Variants in FOXP1 observed in about 807,000 individuals in gnomAD.
FOXP1 encodes forkhead box protein P1.
A neutral mutation model predicts 98.2 loss-of-function variants in FOXP1; 15 were observed. That is an observed-to-expected ratio of 0.15 (90% CI 0.10 to 0.24). The LOEUF (loss-of-function observed/expected upper bound fraction) is 0.24, where lower values mean the gene tolerates loss of function less well. Ranked by LOEUF, FOXP1 falls within the 10% of genes least tolerant of loss-of-function variation. The pLI is 1.00. For synonymous variants in FOXP1, 371 were observed against 314.5 expected (o/e 1.18, Z -1.90); for missense variants, 633 against 848.5 (o/e 0.75, Z 3.15).
chr3:70,960,751 G>T (rs1349072117), intron 20 of FOXP1, among the ~76,000 whole-genome samples: 3 of 152,042 alleles, frequency 2.0e-5, no homozygotes, highest in African/African-American at 7.2e-5. Flanking sequence ...GACTGCCCTT[G>T]AAGACAGGAA....
At chr3:71,102,061 A>T (rs150140902) in intron 7 of FOXP1, among the ~76,000 whole-genome samples, 19 of 152,280 alleles carry the variant, frequency 1.2e-4, no homozygotes, top group African/African-American at 4.6e-4. Flanking sequence ...CAGTCCCTGT[A>T]ATTTACCGGG....
intron 3 of FOXP1, among the ~76,000 whole-genome samples, chr3:71,383,709 G>C (rs184100619): frequency 1.3e-5 from 2 of 152,142 alleles, no homozygotes; most frequent in African/African-American, 4.8e-5. Context: ...TTGACACATC[G>C]CTTGAAACAT....
At chr3:71,451,387 T>G (rs2086940838) in intron 3 of FOXP1, among the ~76,000 whole-genome samples, 1 of 152,184 alleles carries the variant, frequency 6.6e-6, no homozygotes. Context: ...GTTAAGCAAG[T>G]GGCTAGAGCA....
intron 13 of FOXP1, among the ~76,000 whole-genome samples, chr3:70,998,054 G>T (rs1246640776): frequency 6.6e-6 from 1 of 152,226 alleles, no homozygotes; most frequent in Admixed American, 6.5e-5. Context: ...AGAGATAAAA[G>T]CGGGTGAGCA....
chr3:71,327,511 C>T (rs1391197091), intron 4 of FOXP1, among the ~76,000 whole-genome samples: 1 of 149,152 alleles, frequency 6.7e-6, no homozygotes, highest in Non-Finnish European at 1.5e-5. Flanking sequence ...CCTTAGCCTC[C>T]CGAGTAGCTG....
At position 70,978,339 on chromosome 3, in the gene FOXP1, CTCACCTATAGGCTTTGATCGCCCA is replaced by C. The variant is rs372697257; in HGVS notation, c.1147-334_1147-311del. On this transcript the variant is annotated intron_variant, in intron 14 of 20. Coordinates refer to ENST00000649528, the MANE Select transcript of FOXP1 (RefSeq NM_001349338.3). ...CAAGACATTTATTTCATTGTGATGTCTCACCTATAGGCTTTGATCGCCCATCAGGCCTTGTCAACCTCAAAGAGG... is the reference window on the plus strand; with the variant it reads ...CAAGACATTTATTTCATTGTGATGTCTCAGGCCTTGTCAACCTCAAAGAGG... Among the ~76,000 whole-genome samples the C allele has an allele frequency of 6.0e-3, 906 of 152,126 alleles. 7 individuals carry two copies. Among genetic ancestry groups the C allele is most frequent in the African/African-American group, 0.02 (832 of 41,394 alleles).
At chr3:71,078,837 A>C (rs2054102496) in intron 7 of FOXP1, among the ~76,000 whole-genome samples, 1 of 152,142 alleles carries the variant, frequency 6.6e-6, no homozygotes, top group Non-Finnish European at 1.5e-5. Context: ...ACTAGTCATA[A>C]ATAGTGGCAA....
chr3:71,077,177 T>C (rs1012241947), intron 7 of FOXP1, among the ~76,000 whole-genome samples: 1 of 152,182 alleles, frequency 6.6e-6, no homozygotes, highest in Non-Finnish European at 1.5e-5. Context: ...TAATCCTTCT[T>C]AGATGTCTAG....
At chr3:71,286,554 G>A (rs969749264) in intron 5 of FOXP1, among the ~76,000 whole-genome samples, 15 of 152,232 alleles carry the variant, frequency 9.9e-5, no homozygotes, top group African/African-American at 3.6e-4. Flanking sequence ...CATGTGCTGG[G>A]ACAAGAGAAT....
chr3:71,185,681 C>A (rs2062604012), intron 6 of FOXP1, among the ~76,000 whole-genome samples: 1 of 152,200 alleles, frequency 6.6e-6, no homozygotes, highest in African/African-American at 2.4e-5. Context: ...TGCCTCTAGT[C>A]TTTCCAAGTG....
intron 3 of FOXP1, among the ~76,000 whole-genome samples, chr3:71,420,519 C>A (rs1199223673): frequency 4.6e-5 from 7 of 152,102 alleles, no homozygotes; most frequent in Non-Finnish European, 1.0e-4. Flanking sequence ...GAAAAAAATT[C>A]TATGCATACA....
chr3:71,465,964 T>G (rs994961199), intron 3 of FOXP1, among the ~76,000 whole-genome samples: 4 of 152,208 alleles, frequency 2.6e-5, no homozygotes, highest in Non-Finnish European at 5.9e-5. Flanking sequence ...TGGAACAGTT[T>G]CATCTGGAAA....
intron 5 of FOXP1, among the ~76,000 whole-genome samples, chr3:71,230,618 A>C (rs1238691116): frequency 6.6e-6 from 1 of 152,206 alleles, no homozygotes; most frequent in Non-Finnish European, 1.5e-5. Context: ...CCAACATCTA[A>C]AGTCTGCTAA....
intron 3 of FOXP1, among the ~76,000 whole-genome samples, chr3:71,434,863 GAGACTC>G (rs1277138174): frequency 6.6e-6 from 1 of 151,996 alleles, no homozygotes; most frequent in Non-Finnish European, 1.5e-5. Flanking sequence ...CACAAATAGA[GAGACTC>G]AGAGATTTTT....
At chr3:71,114,382 C>G (rs562387533) in intron 6 of FOXP1, among the ~76,000 whole-genome samples, 1 of 152,138 alleles carries the variant, frequency 6.6e-6, no homozygotes, top group South Asian at 2.1e-4. Flanking sequence ...CACGTAAAAA[C>G]GTGGAGTGTG....
intron 4 of FOXP1, among the ~76,000 whole-genome samples, chr3:71,313,233 G>A (rs895652989): frequency 3.3e-5 from 5 of 151,286 alleles, no homozygotes; most frequent in African/African-American, 1.2e-4. Flanking sequence ...CTAATTTTTG[G>A]TATTTTTAGT....
chr3:70,977,033 C>T lies in FOXP1; in HGVS notation c.1438G>A (p.Glu480Lys). 6.2e-7 allele frequency: 1 copy of T among 1,610,778 alleles called. No individual in the cohort carries two copies. Among genetic ancestry groups the T allele is most frequent in the Non-Finnish European group, 8.5e-7 (1 of 1,177,034 alleles). The change falls in exon 17 of 21, where the codon GAA becomes AAA. Residue 480 changes from glutamate to lysine, a missense_variant. Coordinates refer to ENST00000649528, the MANE Select transcript of FOXP1 (RefSeq NM_001349338.3). ...YASLIRQAIL[E>K]SPEKQLTLNE... ...AGTGTTAGCTGCTTTTCTGGAGATT[C>T]GAGAATGGCCTGTGAAGCAGAATGT...
At chr3:71,267,128 T>A (rs73839471) in intron 5 of FOXP1, among the ~76,000 whole-genome samples, 21,707 of 127,166 alleles carry the variant, frequency 0.17, 2,116 homozygotes, top group East Asian at 0.53. Flanking sequence ...GGAGAGAGTG[T>A]GTGTGTGTGT....
chr3:71,448,636 A>G (rs2086667818), intron 3 of FOXP1, among the ~76,000 whole-genome samples: 1 of 152,200 alleles, frequency 6.6e-6, no homozygotes, highest in South Asian at 2.1e-4. Flanking sequence ...AGTTTTCCTT[A>G]AGAATAAAAT....
Sources: allele counts gnomAD v4.1 joint callset (sites outside exome capture counted in the v4.1 genomes callset), GRCh38; gene constraint gnomAD v4.1.1; transcripts MANE v1.5; gene names NCBI Gene and HGNC (gene_info 2026-07-23, HGNC 2026-07-21).